Variants in TATDN2 observed in about 807,000 individuals in gnomAD.
The protein encoded by TATDN2 is TatD DNase domain containing 2.
Under a neutral mutation model 60.3 loss-of-function variants are expected in TATDN2, and 44 were observed. The observed-to-expected ratio is 0.73, with a 90% CI of 0.57 to 0.94. The LOEUF is 0.94. TATDN2 is among the 40% of genes least tolerant of loss of function. TATDN2 has a pLI of 0.00. For missense variants in TATDN2, 997 were observed against 948.0 expected, an observed-to-expected ratio of 1.05 and a Z score of -0.68; for synonymous variants, 399 against 355.8, an observed-to-expected ratio of 1.12 and a Z score of -1.37.
At position 10,276,357 on chromosome 3, in the gene TATDN2, C is replaced by G. The variant is rs1451470655; in HGVS notation, c.1834-4C>G. Reference sequence around the variant, plus strand: ...ACAGGGGTTGTCGCTGTGTCCTCTCCTAGGTATTTGAGAGACAGCTGCAGC... The same window carrying G: ...ACAGGGGTTGTCGCTGTGTCCTCTCGTAGGTATTTGAGAGACAGCTGCAGC... On this transcript the variant is annotated splice_region_variant and splice_polypyrimidine_tract_variant and intron_variant, in intron 4 of 7. Coordinates refer to ENST00000448281, the MANE Select transcript of TATDN2 (RefSeq NM_014760.4). 4 of 1,613,730 alleles carry G rather than the reference C, an allele frequency of 2.5e-6. No individual in the cohort carries two copies. The highest frequency in any genetic ancestry group is 3.4e-6 in the Non-Finnish European group (4 of 1,179,830).
rs1046178028 is a variant in TATDN2 at position 10,278,531 on chromosome 3, C to G, written c.2145+69C>G. On this transcript the variant is annotated intron_variant, in intron 6 of 7. Transcript: ENST00000448281. The surrounding 1 kb of genome is among the most constrained non-coding windows in gnomAD (Gnocchi z 4.7). ...GTGGGGAGGTGGGTGGTCACCCTTA[C>G]AAGGTTGGCAGGGCCAGAGCCCCAG... is the stretch of plus-strand genomic sequence containing the variant. The G allele has an allele frequency of 2.8e-5, 44 of 1,592,166 alleles. No homozygotes were observed. In the Middle Eastern group the frequency reaches 8.3e-4, roughly 30 times the overall value.
At position 10,278,742 on chromosome 3, in the gene TATDN2, ACT is replaced by A; in HGVS notation, c.2146-139_2146-138del. ...CTCACCCAGAGCCCCCATGACTAGGACTCTCCCTGCACCTGCAGGTAAAGGGG... is the reference window on the plus strand; with the variant it reads ...CTCACCCAGAGCCCCCATGACTAGGACTCCCTGCACCTGCAGGTAAAGGGG... On this transcript the variant is annotated intron_variant, in intron 6 of 7. Transcript: ENST00000448281. The surrounding 1 kb of genome is among the most constrained non-coding windows in gnomAD (Gnocchi z 4.7). 5.4e-6 allele frequency: 7 copies of A among 1,286,434 alleles called. No homozygotes were observed. Among genetic ancestry groups the A allele is most frequent in the Non-Finnish European group, 7.7e-6 (7 of 913,236 alleles). The allele number at this position is 1,286,434 out of a possible 1,614,324, so 79.7% of individuals were successfully genotyped here.
chr3:10,271,337 A>G (rs1172648823), intron 4 of TATDN2, among the ~76,000 whole-genome samples: 1 of 152,140 alleles, frequency 6.6e-6, no homozygotes, highest in Non-Finnish European at 1.5e-5. Flanking sequence ...TTTGAGAGGG[A>G]GTCTTGCTCT....
At position 10,260,211 on chromosome 3, in the gene TATDN2, A is replaced by C; in HGVS notation, c.489A>C (p.Thr163=). ...CTGAAGCTGAGGGTCAGAATGATAC[A>C]ATTGAGGAACCCAACAAGGTCCAGA... ...FAAEAEGQND[T]IEEPNKVQKR... The change falls in exon 3 of 8, where the codon ACA becomes ACC. Residue 163 remains threonine (T), a synonymous_variant. Transcript: ENST00000448281. 1 of 1,614,182 alleles carries C rather than the reference A, an allele frequency of 6.2e-7. No individual in the cohort carries two copies.
intron 4 of TATDN2, among the ~76,000 whole-genome samples, chr3:10,275,980 G>A (rs946526557): frequency 7.2e-5 from 11 of 152,094 alleles, no homozygotes; most frequent in South Asian, 2.1e-4. Context: ...TTAACTTTGC[G>A]CTTTATGTTC....
chr3:10,263,580 C>T (rs185189053), intron 3 of TATDN2, among the ~76,000 whole-genome samples: 107 of 152,238 alleles, frequency 7.0e-4, no homozygotes, highest in African/African-American at 2.5e-3. Context: ...TACTTTTCTA[C>T]TGTCATGCTT....
At chr3:10,262,924 A>G (rs1045285839) in intron 3 of TATDN2, among the ~76,000 whole-genome samples, 6 of 152,024 alleles carry the variant, frequency 3.9e-5, no homozygotes, top group African/African-American at 9.7e-5. Context: ...GCTTTGAGAC[A>G]GAGTTTTGCT....
rs781382002 is a variant in TATDN2 at position 10,260,436 on chromosome 3, C to T, written c.714C>T (p.Ala238=). ...CAGCCAAGACTGCAGAAGGAGCAGC[C>T]AGGAGTGTCACAGTCACTGCTGCTC... ...EGPAKTAEGA[A]RSVTVTAAQK... The change falls in exon 3 of 8, where the codon GCC becomes GCT. Residue 238 remains alanine, a synonymous_variant. Coordinates refer to ENST00000448281, the MANE Select transcript of TATDN2 (RefSeq NM_014760.4). The T allele has an allele frequency of 6.2e-7, 1 of 1,614,136 alleles. No homozygotes were observed. The highest frequency in any genetic ancestry group is 8.5e-7 in the Non-Finnish European group (1 of 1,180,004).
At chr3:10,273,385 T>C (rs1217689509) in intron 4 of TATDN2, among the ~76,000 whole-genome samples, 1 of 152,116 alleles carries the variant, frequency 6.6e-6, no homozygotes, top group African/African-American at 2.4e-5. Context: ...CAGTGCTGAG[T>C]TGCATTTACC....
At chr3:10,276,952 CT>C (rs200656324) in intron 5 of TATDN2, among the ~76,000 whole-genome samples, 1,657 of 140,924 alleles carry the variant, frequency 0.012, 27 homozygotes, top group East Asian at 0.092. Context: ...CATATTTGAC[CT>C]TTTTTTTTTT....
chr3:10,254,718 A>G (rs1698279407), intron 2 of TATDN2, among the ~76,000 whole-genome samples: 1 of 152,126 alleles, frequency 6.6e-6, no homozygotes, highest in Non-Finnish European at 1.5e-5. Flanking sequence ...CCTTCAGGCT[A>G]CTGGTGATAG....
Position 10,251,264 on chromosome 3 carries a change from G to C in TATDN2, c.414+1650G>C, listed in dbSNP as rs867442616. Among the ~76,000 whole-genome samples the C allele has an allele frequency of 5.3e-5, 8 of 152,252 alleles. No individual in the cohort carries two copies. In the South Asian group the frequency reaches 1.7e-3, roughly 32 times the overall value. On this transcript the variant is annotated intron_variant, in intron 2 of 7. Transcript: ENST00000448281. ...ACAATGTGGTATGATGGAGTAGTGAGCCCAGAATGGAGGCTGGAGAGCGAG... is the reference window on the plus strand; with the variant it reads ...ACAATGTGGTATGATGGAGTAGTGACCCCAGAATGGAGGCTGGAGAGCGAG...
At chr3:10,274,124 C>T (rs991346594) in intron 4 of TATDN2, among the ~76,000 whole-genome samples, 3 of 152,246 alleles carry the variant, frequency 2.0e-5, no homozygotes, top group Admixed American at 2.0e-4. Flanking sequence ...TCTGTACTTC[C>T]TTCACTCCTG....
chr3:10,254,665 G>A (rs1184758062), intron 2 of TATDN2, among the ~76,000 whole-genome samples: 1 of 152,288 alleles, frequency 6.6e-6, no homozygotes, highest in African/African-American at 2.4e-5. Flanking sequence ...CAGAGAAAGG[G>A]TAGGAGGGAG....
At chr3:10,262,478 G>A (rs143592879) in intron 3 of TATDN2, among the ~76,000 whole-genome samples, 68 of 149,318 alleles carry the variant, frequency 4.6e-4, no homozygotes, top group Middle Eastern at 6.9e-3. Flanking sequence ...TTCCAGGTTG[G>A]AAATTGTTTT....
intron 3 of TATDN2, among the ~76,000 whole-genome samples, chr3:10,262,495 G>T (rs957702132): frequency 1.4e-5 from 2 of 140,262 alleles, no homozygotes; most frequent in Non-Finnish European, 3.1e-5. Flanking sequence ...TTTTGTTTGG[G>T]ATTTTGAAGG....
chr3:10,252,168 A>ATT (rs1402034261), intron 2 of TATDN2, among the ~76,000 whole-genome samples: 29 of 136,460 alleles, frequency 2.1e-4, no homozygotes, highest in South Asian at 1.8e-3. Context: ...AAAAAAAAAA[A>ATT]TTTTTTTTTT....
chr3:10,274,454 C>T (rs562617578), intron 4 of TATDN2, among the ~76,000 whole-genome samples: 13 of 152,310 alleles, frequency 8.5e-5, no homozygotes, highest in African/African-American at 3.1e-4. Flanking sequence ...TCCCATTCAT[C>T]AGCTATACTT....
chr3:10,278,586 A>G lies in TATDN2; in HGVS notation c.2145+124A>G, dbSNP rs899148078. 2 of 1,320,872 alleles carry G rather than the reference A, an allele frequency of 1.5e-6. No homozygotes were observed. The highest frequency in any genetic ancestry group is 2.2e-6 in the Non-Finnish European group (2 of 923,998). The allele number at this position is 1,320,872 out of a possible 1,614,324, so 81.8% of individuals were successfully genotyped here. On this transcript the variant is annotated intron_variant, in intron 6 of 7. Transcript: ENST00000448281. The surrounding 1 kb of genome is among the most constrained non-coding windows in gnomAD (Gnocchi z 4.7). The stretch of plus-strand genomic sequence containing the variant: ...TTCCAGGTCCCATCCTGGGCTGTGT[A>G]GATGCCTCCTTGCTGTTACTCTGCA...
Sources: gnomAD v4.1 joint callset for allele counts (sites outside exome capture counted in the v4.1 genomes callset) on GRCh38, gnomAD v4.1.1 for gene constraint, Gnocchi (gnomAD v3.1) non-coding constraint, MANE v1.5 for transcripts, NCBI Gene and HGNC (gene_info 2026-07-23, HGNC 2026-07-21) for gene names.